Variants in NDUFA10 observed in about 807,000 individuals in gnomAD.
NDUFA10 encodes the protein NADH dehydrogenase [ubiquinone] 1 alpha subcomplex subunit 10, mitochondrial.
In NDUFA10, 40 loss-of-function variants were observed where a neutral mutation model predicts 47.8. The ratio of observed to expected loss-of-function variants is 0.84; its 90% CI spans 0.65 to 1.09. NDUFA10 has a LOEUF of 1.09. NDUFA10 is among the 50% of genes least tolerant of loss of function. The pLI is 0.00. For synonymous variants in NDUFA10, 183 were observed against 172.2 expected (o/e 1.06, Z -0.49); for missense variants, 413 against 451.1 (o/e 0.92, Z 0.76).
At chr2:239,977,495 G>C (rs939037224) in intron 9 of NDUFA10, among the ~76,000 whole-genome samples, 1 of 152,158 alleles carries the variant, frequency 6.6e-6, no homozygotes, top group Non-Finnish European at 1.5e-5. Context: ...GATTCACAGG[G>C]ACCTGAACCA....
At chr2:239,974,451 T>C (rs1695430140) in intron 9 of NDUFA10, among the ~76,000 whole-genome samples, 1 of 152,266 alleles carries the variant, frequency 6.6e-6, no homozygotes, top group Non-Finnish European at 1.5e-5. Flanking sequence ...GGTCTTTCTT[T>C]ACTCGTCTGT....
intron 9 of NDUFA10, among the ~76,000 whole-genome samples, chr2:239,971,819 C>T (rs1288989795): frequency 6.6e-6 from 1 of 152,200 alleles, no homozygotes; most frequent in African/African-American, 2.4e-5. Flanking sequence ...ACACAATAAG[C>T]TCTTTCCTCA....
At chr2:240,022,896 G>T (rs1697690393) in intron 1 of NDUFA10, among the ~76,000 whole-genome samples, 1 of 152,146 alleles carries the variant, frequency 6.6e-6, no homozygotes, top group African/African-American at 2.4e-5. Flanking sequence ...TTCCCTCACA[G>T]CAAGGAATAT....
intron 8 of NDUFA10, among the ~76,000 whole-genome samples, chr2:239,997,236 G>A (rs1033264718): frequency 7.9e-5 from 12 of 151,448 alleles, no homozygotes; most frequent in Admixed American, 7.2e-4. Context: ...AGAAAGCAGA[G>A]AAAAAATAAT....
intron 9 of NDUFA10, among the ~76,000 whole-genome samples, chr2:239,977,271 C>A: frequency 6.6e-6 from 1 of 152,278 alleles, no homozygotes; most frequent in East Asian, 1.9e-4. Context: ...TGCAGGTGGG[C>A]GAGCACAGGC....
intron 8 of NDUFA10, among the ~76,000 whole-genome samples, chr2:240,000,606 G>A (rs1456147175): frequency 6.6e-6 from 1 of 152,088 alleles, no homozygotes; most frequent in Admixed American, 6.5e-5. Flanking sequence ...ACAGTGTACG[G>A]TGATGTCCTA....
chr2:239,994,061 C>T lies in NDUFA10; in HGVS notation c.891-3879G>A, dbSNP rs574299754. 7.2e-5 allele frequency among the ~76,000 whole-genome samples: 11 copies of T among 152,230 alleles called. No individual in the cohort carries two copies. The South Asian group carries it at 1.0e-3, about 14-fold the overall frequency. On this transcript the variant is annotated intron_variant, in intron 8 of 9. Coordinates refer to ENST00000252711, the MANE Select transcript of NDUFA10 (RefSeq NM_004544.4). ...TCCTCCTTGTAAAATGAGGGAGTCC[C>T]GCCCCACAGAAGTGCTGTGGAACAG...
chr2:239,948,679 A>C (rs1694498030), intron 4 of NDUFA10, among the ~76,000 whole-genome samples: 1 of 152,214 alleles, frequency 6.6e-6, no homozygotes, highest in Admixed American at 6.5e-5. Flanking sequence ...AGGGATTGCA[A>C]AGGTGGCTCA....
At chr2:239,922,031 T>TCCTTCCTTCCCTTCTTCCCTCCCTC (rs144221595) in intron 4 of NDUFA10, among the ~76,000 whole-genome samples, 8,720 of 132,802 alleles carry the variant, frequency 0.066, 506 homozygotes, top group East Asian at 0.22. Flanking sequence ...CTTCCTTCTT[T>TCCTTCCTTCCCTTCTTCCCTCCCTC]CCTTCCTTCC....
chr2:239,905,840 G>A (rs1033631491), intron 4 of NDUFA10, among the ~76,000 whole-genome samples: 1 of 130,744 alleles, frequency 7.6e-6, no homozygotes, highest in Non-Finnish European at 1.7e-5. Context: ...GGGAGGGGAG[G>A]GGAGGGGAGG....
At chr2:239,993,508 G>T (rs1696340225) in intron 8 of NDUFA10, among the ~76,000 whole-genome samples, 2 of 152,232 alleles carry the variant, frequency 1.3e-5, no homozygotes, top group South Asian at 4.1e-4. Context: ...CCTGGTAGAA[G>T]ACGCAGAACC....
intron 6 of NDUFA10, among the ~76,000 whole-genome samples, chr2:240,008,027 T>C (rs1697012433): frequency 6.6e-6 from 1 of 152,206 alleles, no homozygotes; most frequent in Non-Finnish European, 1.5e-5. Context: ...CCTACAATGG[T>C]ACCAAACAAA....
At position 239,906,710 on chromosome 2, in the gene NDUFA10, G is replaced by T. The variant is rs1325696452; in HGVS notation, c.295-11396C>A. 6.6e-6 allele frequency among the ~76,000 whole-genome samples: 1 copy of T among 152,098 alleles called. No individual in the cohort carries two copies. Among genetic ancestry groups the T allele is most frequent in the African/African-American group, 2.4e-5 (1 of 41,406 alleles). ...TCCTTTCTTCTTGATGAAAAGGTGT[G>T]CTGCCTCTTCAAGGAGTACTACAAA... On this transcript the variant is annotated intron_variant, in intron 4 of 5. Coordinates refer to the NDUFA10 transcript ENST00000419408. This position sits in a 1 kb window ranked among gnomAD's most constrained non-coding sequence, Gnocchi z 4.3.
intron 1 of NDUFA10, among the ~76,000 whole-genome samples, chr2:240,022,924 A>G (rs1490925776): frequency 6.6e-6 from 1 of 152,158 alleles, no homozygotes; most frequent in Admixed American, 6.5e-5. Context: ...CTAACAAGCA[A>G]AAGAGAGCAA....
chr2:239,999,908 A>T (rs1696636166), intron 8 of NDUFA10, among the ~76,000 whole-genome samples: 1 of 152,202 alleles, frequency 6.6e-6, no homozygotes, highest in Non-Finnish European at 1.5e-5. Flanking sequence ...CATCCACAAC[A>T]GGTCACATAT....
At chr2:239,953,358 A>T (rs1694592783), downstream of NDUFA10, among the ~76,000 whole-genome samples, 1 of 152,188 alleles carries the variant, frequency 6.6e-6, no homozygotes, top group African/African-American at 2.4e-5. Flanking sequence ...TGACACCTTG[A>T]TTGGAGGCCT....
Position 239,959,252 on chromosome 2 carries a change from T to G in NDUFA10, c.*1866A>C. On this transcript the variant is annotated 3_prime_UTR_variant, in exon 10 of 10. Transcript: ENST00000252711. ...TCCACACCATGCCGACACGGAGCCCTGCATGGTTGGAGAGCTCTGCCCCTC... is the reference window on the plus strand; with the variant it reads ...TCCACACCATGCCGACACGGAGCCCGGCATGGTTGGAGAGCTCTGCCCCTC... 1.0e-6 allele frequency: 1 copy of G among 985,460 alleles called. No individual in the cohort carries two copies. The highest frequency in any genetic ancestry group is 1.2e-6 in the Non-Finnish European group (1 of 829,948). 61.0% of individuals were successfully genotyped at this position (985,460 alleles called of 1,614,324 possible). A position where few individuals can be genotyped will look rare whatever the true frequency, so the allele number is the denominator to read the frequency against.
rs546735567 is a variant in NDUFA10 at position 239,959,904 on chromosome 2, G to A, written c.*1214C>T. The A allele has an allele frequency of 1.1e-4, 111 of 985,426 alleles. No individual in the cohort carries two copies. Among genetic ancestry groups the A allele is most frequent in the South Asian group, 1.1e-3 (23 of 21,282 alleles). 61.0% of individuals were successfully genotyped at this position (985,426 alleles called of 1,614,324 possible). A position where few individuals can be genotyped will look rare whatever the true frequency, so the allele number is the denominator to read the frequency against. ...GAGGGAAGGAGTGTGCATCTTCTTC[G>A]CATGCTCCGCAGCAGCGAGGCCTGG... is the stretch of plus-strand genomic sequence containing the variant. On this transcript the variant is annotated 3_prime_UTR_variant, in exon 10 of 10. Coordinates refer to ENST00000252711, the MANE Select transcript of NDUFA10 (RefSeq NM_004544.4).
chr2:239,905,129 A>G (rs1433917391), intron 4 of NDUFA10, among the ~76,000 whole-genome samples: 3 of 152,198 alleles, frequency 2.0e-5, no homozygotes, highest in African/African-American at 7.2e-5. Flanking sequence ...TCTGCTGGGT[A>G]TAAACTCACT....
Sources: gnomAD v4.1 joint callset for allele counts (sites outside exome capture counted in the v4.1 genomes callset) on GRCh38, gnomAD v4.1.1 for gene constraint, Gnocchi (gnomAD v3.1) non-coding constraint, MANE v1.5 for transcripts, NCBI Gene and HGNC (gene_info 2026-07-23, HGNC 2026-07-21) for gene names.